TFAP2A: variants seen among roughly 807,000 people sequenced by gnomAD.
TFAP2A encodes the protein transcription factor AP-2-alpha.
Under a neutral mutation model 41.5 loss-of-function variants are expected in TFAP2A, and 7 were observed. The ratio of observed to expected loss-of-function variants is 0.17; its 90% confidence interval spans 0.10 to 0.32. The LOEUF (loss-of-function observed/expected upper bound fraction) is 0.32. Among genes scored for constraint, TFAP2A ranks in the 10% least tolerant of loss-of-function variants. The pLI is 1.00. For missense variants in TFAP2A, 416 were observed against 563.3 expected, an observed-to-expected ratio of 0.74 and a Z score of 2.65; for synonymous variants, 247 against 242.8, an observed-to-expected ratio of 1.02 and a Z score of -0.16.
At chr6:10,405,376 G>C (rs889087928) in intron 3 of TFAP2A, 1 of 152,122 alleles carries the variant, frequency 6.6e-6, no homozygotes, top group South Asian at 2.1e-4. Context: ...TTTTGAAAAC[G>C]TCTCAGTTTT....
chr6:10,411,435 T>G (rs1581271501), intron 1 of TFAP2A: 1 of 1,407,842 alleles, frequency 7.1e-7, no homozygotes, highest in East Asian at 2.4e-5. Context: ...GAAGGTGGGG[T>G]GGGGGATGCA....
At position 10,410,046 on chromosome 6, in the gene TFAP2A, C is replaced by T. The variant is rs1757889083; in HGVS notation, c.341G>A (p.Arg114Gln). 2 of 1,612,814 alleles carry T rather than the reference C, an allele frequency of 1.2e-6. No individual in the cohort carries two copies. The highest frequency in any genetic ancestry group is 1.7e-6 in the Non-Finnish European group (2 of 1,179,834). ...GCCCGACAGCTGGTGAGGCAGCCCC[C>T]GGTGCGTGTGCAGGAGCCCAGACTC... is the stretch of plus-strand genomic sequence containing the variant. Reference protein sequence around the residue: ...SQESGLLHTHRGLPHQLSGLD... With the variant: ...SQESGLLHTHQGLPHQLSGLD... Residue 114 changes from arginine (R) to glutamine (Q), a missense_variant, in exon 2 of 7, where the codon CGG (arginine) becomes CAG (glutamine). Transcript: ENST00000379613.
chr6:10,409,740 T>TC, intron 2 of TFAP2A, 161 bp downstream of exon 2: 1 of 850,516 alleles, frequency 1.2e-6, no homozygotes, highest in South Asian at 1.6e-5. Flanking sequence ...CTTTGTGTGG[T>TC]TCCTCAAAAC....
rs140905560 is a variant in TFAP2A at position 10,404,549 on chromosome 6, G to C, written c.729C>G (p.Pro243=). ...VAEVQRRLSP[P]ECLNASLLGG... ...CCAGCAGCGACGCGTTGAGACACTC[G>C]GGTGGTGAGAGCCGCCGCTGCACTT... Residue 243 remains proline (P), a synonymous_variant, in exon 4 of 7, where the codon CCC becomes CCG. Coordinates refer to ENST00000379613, the MANE Select transcript of TFAP2A (RefSeq NM_001372066.1). 83 of 1,613,566 alleles carry C rather than the reference G, an allele frequency of 5.1e-5. No homozygotes were observed. The highest frequency in any genetic ancestry group is 3.6e-4 in the African/African-American group (27 of 75,060).
upstream of TFAP2A, chr6:10,419,371 C>T (rs1758351638): frequency 6.6e-7 from 1 of 1,511,020 alleles, no homozygotes; most frequent in Non-Finnish European, 9.2e-7. Flanking sequence ...CCCTCCCCTA[C>T]TCCACCCCTG....
Position 10,410,027 on chromosome 6 carries a change from C to T in TFAP2A, c.360G>A (p.Leu120=), listed in dbSNP as rs544933565. 3 of 1,612,888 alleles carry T rather than the reference C, an allele frequency of 1.9e-6. No individual in the cohort carries two copies. Among genetic ancestry groups the T allele is most frequent in the African/African-American group, 2.7e-5 (2 of 74,992 alleles). ...LHTHRGLPHQ[L]SGLDPRRDYR... ...AGTCCCTGCGAGGATCCAGGCCCGA[C>T]AGCTGGTGAGGCAGCCCCCGGTGCG... The change falls in exon 2 of 7, where the codon CTG becomes CTA. Residue 120 remains leucine (L), a synonymous_variant. Transcript: ENST00000379613.
intron 2 of TFAP2A, chr6:10,407,262 A>T (rs1209378437): frequency 4.0e-6 from 1 of 252,940 alleles, no homozygotes; most frequent in Non-Finnish European, 7.7e-6. Context: ...CACAATAGAA[A>T]TGACAGGGGC....
In TFAP2A at chr6:10,410,284, T is replaced by C. The variant is rs9368354; in HGVS notation, c.103A>G (p.Thr35Ala). 2.7e-5 allele frequency: 44 copies of C among 1,612,550 alleles called. No individual in the cohort carries two copies. In the East Asian group the frequency reaches 4.0e-4, roughly 15 times the overall value. Reference sequence around the variant, plus strand: ...CTCGTGTAGGGAGATTGACCTACAGTGCCCAGCTGGGGCAACCGTGCCGTC... The same window carrying C: ...CTCGTGTAGGGAGATTGACCTACAGCGCCCAGCTGGGGCAACCGTGCCGTC... ...NGTARLPQLGTVGQSPYTSAP... is the reference protein window; with the variant it reads ...NGTARLPQLGAVGQSPYTSAP... Residue 35 changes from threonine (T) to alanine (A), a missense_variant, in exon 2 of 7, where the codon ACT becomes GCT. By Grantham distance (58) the Thr-to-Ala change is moderately conservative (BLOSUM62 0). Around this residue, in one of 3 missense-constraint regions of TFAP2A, gnomAD observed 241 missense variants for 274.1 expected, o/e 0.88. Coordinates refer to ENST00000379613, the MANE Select transcript of TFAP2A (RefSeq NM_001372066.1).
At chr6:10,415,520 C>CCTTTCTTTCTTTCTTTCTTT (rs1475371124), upstream of TFAP2A, 29 of 224,668 alleles carry the variant, frequency 1.3e-4, 1 homozygote, top group Non-Finnish European at 8.1e-5. Flanking sequence ...CATTCCCCTT[C>CCTTTCTTTCTTTCTTTCTTT]CTTTCTTTCT....
At chr6:10,417,544 C>T (rs565641816), upstream of TFAP2A, among the ~76,000 whole-genome samples, 10 of 152,218 alleles carry the variant, frequency 6.6e-5, no homozygotes, top group African/African-American at 2.4e-4. Context: ...GGGACAGCAG[C>T]GCCAGGCCTG....
chr6:10,412,178 A>G, intron 1 of TFAP2A: 1 of 987,544 alleles, frequency 1.0e-6, no homozygotes, highest in Non-Finnish European at 1.2e-6. Context: ...GAGTGGGGAG[A>G]GGGAGCGCGA....
chr6:10,401,649 T>C (rs1454864250), intron 5 of TFAP2A, among the ~76,000 whole-genome samples: 1 of 152,248 alleles, frequency 6.6e-6, no homozygotes, highest in Non-Finnish European at 1.5e-5. Context: ...AGTTTTAAAA[T>C]CTGTCTGGTA....
In TFAP2A at chr6:10,398,749, A is replaced by T. The variant is rs303048; in HGVS notation, c.1032-44T>A. 0.18 allele frequency: 292,052 copies of T among 1,606,898 alleles called. 37,996 individuals are homozygous for T. The highest frequency in any genetic ancestry group is 0.67 in the African/African-American group (49,737 of 74,780). On this transcript the variant is annotated intron_variant, in intron 6 of 6. Coordinates refer to ENST00000379613, the MANE Select transcript of TFAP2A (RefSeq NM_001372066.1). The surrounding 1 kb of genome is among the most constrained non-coding windows in gnomAD (Gnocchi z 5.3). The stretch of plus-strand genomic sequence containing the variant: ...AGAGAGAGAGACATAAGGCTCCACT[A>T]TGGGCAGCACTAGCAGCAAAGAGAA...
chr6:10,399,456 AG>A (rs1377632416), intron 6 of TFAP2A, among the ~76,000 whole-genome samples: 1 of 152,228 alleles, frequency 6.6e-6, no homozygotes, highest in African/African-American at 2.4e-5. Flanking sequence ...CTGGGGAAAG[AG>A]AAAGTTGAAA....
chr6:10,400,684 C>G lies in TFAP2A; in HGVS notation c.890-95G>C, dbSNP rs111823265. The stretch of plus-strand genomic sequence containing the variant: ...TCCCAACTCCCTAATTCCCTTCACC[C>G]CAGATGTTGCAGGAAACACAAACTA... On this transcript the variant is annotated intron_variant, in intron 5 of 6. Transcript: ENST00000379613. 9,643 of 1,411,022 alleles carry G rather than the reference C, an allele frequency of 6.8e-3. 50 individuals carry two copies. Among genetic ancestry groups the G allele is most frequent in the Non-Finnish European group, 8.3e-3 (8,307 of 1,003,402 alleles). 87.4% of individuals were successfully genotyped at this position (1,411,022 alleles called of 1,614,324 possible).
chr6:10,400,361 CA>C, intron 6 of TFAP2A, 86 bp downstream of exon 6: 1 of 1,544,740 alleles, frequency 6.5e-7, no homozygotes, highest in South Asian at 1.1e-5. Context: ...AAAAGGAAAA[CA>C]AGGGAGAAGG....
chr6:10,412,633 G>A, intron 1 of TFAP2A: 1 of 291,396 alleles, frequency 3.4e-6, no homozygotes, highest in Non-Finnish European at 7.1e-6. Flanking sequence ...TGCGTAGCGG[G>A]TAGGAGCTGC....
chr6:10,413,319 A>G (rs955202837), intron 1 of TFAP2A, among the ~76,000 whole-genome samples: 18 of 151,964 alleles, frequency 1.2e-4, no homozygotes, highest in Non-Finnish European at 4.4e-5. Flanking sequence ...ACTTGCCCCC[A>G]CAGGATCCCT....
intron 1 of TFAP2A, 128 bp downstream of exon 1, chr6:10,414,813 G>A (rs547150748): frequency 5.5e-6 from 7 of 1,265,200 alleles, no homozygotes; most frequent in Middle Eastern, 1.9e-4. Context: ...TCCGAGGGAC[G>A]GGCGCTGCGC....
Sources: allele counts gnomAD v4.1 joint callset (sites outside exome capture counted in the v4.1 genomes callset), GRCh38; gene constraint gnomAD v4.1.1; regional missense constraint gnomAD v4.1.1; non-coding constraint Gnocchi (gnomAD v3.1); transcripts MANE v1.5; gene names NCBI Gene and HGNC (gene_info 2026-07-23, HGNC 2026-07-21).